NKX6-2: variants seen among roughly 807,000 people sequenced by gnomAD.
NKX6-2 encodes the protein homeobox protein Nkx-6.2.
A neutral mutation model predicts 19.9 loss-of-function variants in NKX6-2; 22 were observed. The observed-to-expected ratio is 1.10, with a 90% confidence interval of 0.79 to 1.58. The LOEUF is 1.58. Ranked by LOEUF, NKX6-2 falls within the 40% of genes most tolerant of loss-of-function variation. NKX6-2 has a pLI of 0.00. For missense variants in NKX6-2, 475 were observed against 410.6 expected, an observed-to-expected ratio of 1.16 and a Z score of -1.35; for synonymous variants, 257 against 204.0, an observed-to-expected ratio of 1.26 and a Z score of -2.21.
chr10:132,785,070 A>G lies in NKX6-2; in HGVS notation c.680T>C (p.Val227Ala), dbSNP rs758714609. ...GTCGTCCTCCGCGTCCGAGCCGCCCACCTTCAGCTTCTCGGCGTCCGAGTC... is the reference window on the plus strand; with the variant it reads ...GTCGTCCTCCGCGTCCGAGCCGCCCGCCTTCAGCTTCTCGGCGTCCGAGTC... ...KQDSDAEKLK[V>A]GGSDAEDDDE... The change falls in exon 3 of 3, where the codon GTG becomes GCG. Residue 227 changes from valine to alanine, a missense_variant. Val to Ala is a moderately conservative substitution (Grantham distance 64). Transcript: ENST00000368592. The surrounding 1 kb of genome is among the most constrained non-coding windows in gnomAD (Gnocchi z 5.5). 3.2e-5 allele frequency: 51 copies of G among 1,609,118 alleles called. No individual in the cohort carries two copies. Among genetic ancestry groups the G allele is most frequent in the Non-Finnish European group, 4.3e-5 (51 of 1,177,010 alleles).
rs1404357117 is a variant in NKX6-2 at position 132,784,190 on chromosome 10, G to C, written c.*726C>G. 4 of 152,216 alleles carry C rather than the reference G, an allele frequency of 2.6e-5. No homozygotes were observed. Among genetic ancestry groups the C allele is most frequent in the Non-Finnish European group, 4.4e-5 (3 of 68,038 alleles). The allele number at this position is 152,216 out of a possible 1,614,324, so 9.4% of individuals were successfully genotyped here. A position where few individuals can be genotyped will look rare whatever the true frequency, so the allele number is the denominator to read the frequency against. ...CCCACGGGAGGCCCCGCCGCTCCGC[G>C]GGCGGAATTATTTCGGATTTCTCTT... On this transcript the variant is annotated 3_prime_UTR_variant, in exon 3 of 3. Coordinates refer to ENST00000368592, the MANE Select transcript of NKX6-2 (RefSeq NM_177400.3).
At position 132,785,480 on chromosome 10, in the gene NKX6-2, C is replaced by A; in HGVS notation, c.407-28G>T. On this transcript the variant is annotated intron_variant, in intron 1 of 2. Transcript: ENST00000368592. This position sits in a 1 kb window ranked among gnomAD's most constrained non-coding sequence, Gnocchi z 5.5. ...GCAAGGGAGGGGAAGGGAGGGAGGTCAGCGGCCGGCGGGGTCCCCCTCCGC... is the reference window on the plus strand; with the variant it reads ...GCAAGGGAGGGGAAGGGAGGGAGGTAAGCGGCCGGCGGGGTCCCCCTCCGC... 1 of 1,490,356 alleles carries A rather than the reference C, an allele frequency of 6.7e-7. No homozygotes were observed. The highest frequency in any genetic ancestry group is 8.9e-7 in the Non-Finnish European group (1 of 1,118,280). The allele number at this position is 1,490,356 out of a possible 1,614,324, so 92.3% of individuals were successfully genotyped here. A position where few individuals can be genotyped will look rare whatever the true frequency, so the allele number is the denominator to read the frequency against.
chr10:132,785,625 G>A lies in NKX6-2; in HGVS notation c.324C>T (p.Ala108=). 8.0e-7 allele frequency: 1 copy of A among 1,246,374 alleles called. No homozygotes were observed. Among genetic ancestry groups the A allele is most frequent in the South Asian group, 3.3e-5 (1 of 30,700 alleles). The allele number at this position is 1,246,374 out of a possible 1,614,324, so 77.2% of individuals were successfully genotyped here. ...AGATGGGCGGGCGCCCCGGCAGCTC[G>A]GCCAGGGGCTTGGGGTAGCCGCGCG... ...AVARGYPKPL[A]ELPGRPPIFW... The change falls in exon 1 of 3, where the codon GCC becomes GCT. Residue 108 remains alanine, a synonymous_variant. Coordinates refer to ENST00000368592, the MANE Select transcript of NKX6-2 (RefSeq NM_177400.3). The surrounding 1 kb of genome is among the most constrained non-coding windows in gnomAD (Gnocchi z 5.5).
In NKX6-2 at chr10:132,785,331, C is replaced by T. The variant is rs1190805420; in HGVS notation, c.528G>A (p.Pro176=). 5.6e-6 allele frequency: 9 copies of T among 1,606,642 alleles called. No homozygotes were observed. Among genetic ancestry groups the T allele is most frequent in the African/African-American group, 1.4e-5 (1 of 73,604 alleles). ...GCGAGTAGGCGAGACGCGCGCGCTCCGGGCCCGCCAGGTACTTGGTCTGCT... is the reference window on the plus strand; with the variant it reads ...GCGAGTAGGCGAGACGCGCGCGCTCTGGGCCCGCCAGGTACTTGGTCTGCT... The part of the protein sequence containing the change: ...TFEQTKYLAG[P]ERARLAYSLG... The change falls in exon 2 of 3, where the codon CCG becomes CCA. Residue 176 remains proline (P), a synonymous_variant. Coordinates refer to ENST00000368592, the MANE Select transcript of NKX6-2 (RefSeq NM_177400.3). This position sits in a 1 kb window ranked among gnomAD's most constrained non-coding sequence, Gnocchi z 5.5.
chr10:132,783,389 G>C lies in NKX6-2; in HGVS notation c.*1527C>G, dbSNP rs903271376. The C allele has an allele frequency of 6.6e-6, 1 of 152,424 alleles. No homozygotes were observed. Among genetic ancestry groups the C allele is most frequent in the Non-Finnish European group, 1.5e-5 (1 of 68,046 alleles). 9.4% of individuals were successfully genotyped at this position (152,424 alleles called of 1,614,324 possible). ...CTGTCCGCGGTTCAACACGGAGTCC[G>C]CCCCGCGGGTTTCAGCTGTTGGTCG... On this transcript the variant is annotated 3_prime_UTR_variant, in exon 3 of 3. Coordinates refer to ENST00000368592, the MANE Select transcript of NKX6-2 (RefSeq NM_177400.3).
chr10:132,785,592 G>C lies in NKX6-2; in HGVS notation c.357C>G (p.Pro119=). The change falls in exon 1 of 3, where the codon CCC becomes CCG. Residue 119 remains proline, a synonymous_variant. Transcript: ENST00000368592. The surrounding 1 kb of genome is among the most constrained non-coding windows in gnomAD (Gnocchi z 5.5). ...TCCAGGGCGCGCCCTGCACCACGCC[G>C]GGCCAGAAGATGGGCGGGCGCCCCG... ...ELPGRPPIFW[P]GVVQGAPWRD... is the part of the protein sequence containing the mutation. 1.6e-6 allele frequency: 2 copies of C among 1,257,606 alleles called. No homozygotes were observed. Among genetic ancestry groups the C allele is most frequent in the Non-Finnish European group, 2.0e-6 (2 of 1,005,614 alleles). 77.9% of individuals were successfully genotyped at this position (1,257,606 alleles called of 1,614,324 possible). A position where few individuals can be genotyped will look rare whatever the true frequency, so the allele number is the denominator to read the frequency against.
rs1221427661 is a variant in NKX6-2, at chr10:132,784,465, C to G, written c.*451G>C. The G allele has an allele frequency of 6.3e-6, 1 of 158,502 alleles. No individual in the cohort carries two copies. The highest frequency in any genetic ancestry group is 1.9e-4 in the East Asian group (1 of 5,390). The allele number at this position is 158,502 out of a possible 1,614,324, so 9.8% of individuals were successfully genotyped here. The stretch of plus-strand genomic sequence containing the variant: ...GGGAAAACGGAAGAAGAAAAACCTC[C>G]CGCGGGGACTCGAGGCGGGTACGCG... On this transcript the variant is annotated 3_prime_UTR_variant, in exon 3 of 3. Coordinates refer to ENST00000368592, the MANE Select transcript of NKX6-2 (RefSeq NM_177400.3).
rs539112759 is a variant in NKX6-2, at chr10:132,783,381, C to G, written c.*1535G>C. ...GGTTGCCGCTGTCCGCGGTTCAACA[C>G]GGAGTCCGCCCCGCGGGTTTCAGCT... On this transcript the variant is annotated 3_prime_UTR_variant, in exon 3 of 3. Transcript: ENST00000368592. The G allele has an allele frequency of 1.7e-4, 26 of 152,488 alleles. No homozygotes were observed. Among genetic ancestry groups the G allele is most frequent in the African/African-American group, 5.5e-4 (23 of 41,572 alleles). 9.4% of individuals were successfully genotyped at this position (152,488 alleles called of 1,614,324 possible). A position where few individuals can be genotyped will look rare whatever the true frequency, so the allele number is the denominator to read the frequency against.
chr10:132,785,964 C>T lies in NKX6-2; in HGVS notation c.-16G>A, dbSNP rs774869718. 3.9e-5 allele frequency: 37 copies of T among 941,840 alleles called. No individual in the cohort carries two copies. The highest frequency in any genetic ancestry group is 5.1e-5 in the Non-Finnish European group (37 of 729,742). 58.3% of individuals were successfully genotyped at this position (941,840 alleles called of 1,614,324 possible). The stretch of plus-strand genomic sequence containing the variant: ...TAGTGTCCATGGGCGCCGCCGCCGC[C>T]GGCCCGGGCTCCCATCCGGGCCCCG... On this transcript the variant is annotated 5_prime_UTR_variant, in exon 1 of 3. Transcript: ENST00000368592. The surrounding 1 kb of genome is among the most constrained non-coding windows in gnomAD (Gnocchi z 5.5).
Position 132,784,882 on chromosome 10 carries a change from T to G in NKX6-2, c.*34A>C. On this transcript the variant is annotated 3_prime_UTR_variant, in exon 3 of 3. Transcript: ENST00000368592. ...CCCACCCGGGGCCGCCCCCGGATTCTGCAAAAATAGATTCGCCCCCACCCC... is the reference window on the plus strand; with the variant it reads ...CCCACCCGGGGCCGCCCCCGGATTCGGCAAAAATAGATTCGCCCCCACCCC... 2 of 1,586,518 alleles carry G rather than the reference T, an allele frequency of 1.3e-6. No individual in the cohort carries two copies. Among genetic ancestry groups the G allele is most frequent in the South Asian group, 1.1e-5 (1 of 90,158 alleles).
At position 132,783,552 on chromosome 10, in the gene NKX6-2, C is replaced by G. The variant is rs572045367; in HGVS notation, c.*1364G>C. The G allele has an allele frequency of 6.6e-6, 1 of 152,476 alleles. No individual in the cohort carries two copies. Among genetic ancestry groups the G allele is most frequent in the East Asian group, 1.9e-4 (1 of 5,184 alleles). 9.4% of individuals were successfully genotyped at this position (152,476 alleles called of 1,614,324 possible). ...AATGCTAACTCAGGGGAGCGGCCTC[C>G]TGTATAGCCTGTTATTTGAGATCAA... On this transcript the variant is annotated 3_prime_UTR_variant, in exon 3 of 3. Coordinates refer to ENST00000368592, the MANE Select transcript of NKX6-2 (RefSeq NM_177400.3).
Position 132,784,173 on chromosome 10 carries a change from AG to A in NKX6-2, c.*742del, listed in dbSNP as rs1308866844. The A allele has an allele frequency of 6.6e-6, 1 of 152,138 alleles. No individual in the cohort carries two copies. The highest frequency in any genetic ancestry group is 2.4e-5 in the African/African-American group (1 of 41,434). 9.4% of individuals were successfully genotyped at this position (152,138 alleles called of 1,614,324 possible). On this transcript the variant is annotated 3_prime_UTR_variant, in exon 3 of 3. Transcript: ENST00000368592. Reference sequence around the variant, plus strand: ...TCCCTGACCCCGCGTGACCCACGGGAGGCCCCGCCGCTCCGCGGGCGGAATT... The same window carrying A: ...TCCCTGACCCCGCGTGACCCACGGGAGCCCCGCCGCTCCGCGGGCGGAATT...
In NKX6-2 at chr10:132,785,859, G is replaced by T. The variant is rs755735425; in HGVS notation, c.90C>A (p.Phe30Leu). Reference sequence around the variant, plus strand: ...CGGCCGGACCCTGCAGCGCGTAGGGGAACAGCGACGTCTTCATCTCGGCCA... The same window carrying T: ...CGGCCGGACCCTGCAGCGCGTAGGGTAACAGCGACGTCTTCATCTCGGCCA... Reference protein sequence around the residue: ...HNMAEMKTSLFPYALQGPAGF... With the variant: ...HNMAEMKTSLLPYALQGPAGF... Residue 30 changes from phenylalanine (F) to leucine (L), a missense_variant, in exon 1 of 3, where the codon TTC (phenylalanine) becomes TTA (leucine). By Grantham distance (22) the Phe-to-Leu change is conservative. Coordinates refer to ENST00000368592, the MANE Select transcript of NKX6-2 (RefSeq NM_177400.3). This position sits in a 1 kb window ranked among gnomAD's most constrained non-coding sequence, Gnocchi z 5.5. 1 of 1,382,010 alleles carries T rather than the reference G, an allele frequency of 7.2e-7. No individual in the cohort carries two copies. The highest frequency in any genetic ancestry group is 1.5e-5 in the South Asian group (1 of 67,900). The allele number at this position is 1,382,010 out of a possible 1,614,324, so 85.6% of individuals were successfully genotyped here.
Position 132,785,099 on chromosome 10 carries a change from C to T in NKX6-2, c.651G>A (p.Lys217=), listed in dbSNP as rs1000820788. 1 of 1,611,614 alleles carries T rather than the reference C, an allele frequency of 6.2e-7. No individual in the cohort carries two copies. The highest frequency in any genetic ancestry group is 8.5e-7 in the Non-Finnish European group (1 of 1,178,908). The change falls in exon 3 of 3, where the codon AAG becomes AAA. Residue 217 remains lysine, a synonymous_variant. Coordinates refer to ENST00000368592, the MANE Select transcript of NKX6-2 (RefSeq NM_177400.3). The surrounding 1 kb of genome is among the most constrained non-coding windows in gnomAD (Gnocchi z 5.5). ...TCAGCTTCTCGGCGTCCGAGTCCTG[C>T]TTCTTCTTGGCCGACGCCATCTCCA... ...HAVEMASAKK[K]QDSDAEKLKV...
At position 132,784,967 on chromosome 10, in the gene NKX6-2, C is replaced by G. The variant is rs749333667; in HGVS notation, c.783G>C (p.Ser261=). ...ITRLLKKHKP[S]NLALVSPCGG... ...CGCACGGGCTGACCAGCGCCAAGTTCGAGGGTTTGTGCTTCTTGAGCAGCC... is the reference window on the plus strand; with the variant it reads ...CGCACGGGCTGACCAGCGCCAAGTTGGAGGGTTTGTGCTTCTTGAGCAGCC... Residue 261 remains serine (S), a synonymous_variant, in exon 3 of 3, where the codon TCG becomes TCC. Transcript: ENST00000368592. 3.1e-6 allele frequency: 5 copies of G among 1,612,688 alleles called. No homozygotes were observed. The highest frequency in any genetic ancestry group is 2.2e-5 in the East Asian group (1 of 44,836).
In NKX6-2 at chr10:132,785,530, G is replaced by A; in HGVS notation, c.406+13C>T. ...CGCCCACCCGCCCCGCACCCCCCGC[G>A]CGGGCCACTCACCCGGGCCAGCCAG... On this transcript the variant is annotated intron_variant, in intron 1 of 2. Transcript: ENST00000368592. This position sits in a 1 kb window ranked among gnomAD's most constrained non-coding sequence, Gnocchi z 5.5. The A allele has an allele frequency of 2.9e-6, 4 of 1,380,600 alleles. No homozygotes were observed. The highest frequency in any genetic ancestry group is 3.7e-6 in the Non-Finnish European group (4 of 1,071,390). The allele number at this position is 1,380,600 out of a possible 1,614,324, so 85.5% of individuals were successfully genotyped here. A position where few individuals can be genotyped will look rare whatever the true frequency, so the allele number is the denominator to read the frequency against.
At position 132,785,350 on chromosome 10, in the gene NKX6-2, G is replaced by C; in HGVS notation, c.509C>G (p.Thr170Ser). The C allele has an allele frequency of 6.2e-7, 1 of 1,606,928 alleles. No homozygotes were observed. Among genetic ancestry groups the C allele is most frequent in the Non-Finnish European group, 8.5e-7 (1 of 1,177,862 alleles). The change falls in exon 2 of 3, where the codon ACC becomes AGC. Residue 170 changes from threonine to serine, a missense_variant. Thr to Ser is a moderately conservative substitution (Grantham distance 58). Transcript: ENST00000368592. This position sits in a 1 kb window ranked among gnomAD's most constrained non-coding sequence, Gnocchi z 5.5. ...IFALEKTFEQ[T>S]KYLAGPERAR... Reference sequence around the variant, plus strand: ...GCGCTCCGGGCCCGCCAGGTACTTGGTCTGCTCGAAGGTTTTCTCCAGCGC... The same window carrying C: ...GCGCTCCGGGCCCGCCAGGTACTTGCTCTGCTCGAAGGTTTTCTCCAGCGC...
chr10:132,784,658 C>T lies in NKX6-2; in HGVS notation c.*258G>A, dbSNP rs1847226616. 4.3e-6 allele frequency: 2 copies of T among 463,742 alleles called. No individual in the cohort carries two copies. Among genetic ancestry groups the T allele is most frequent in the South Asian group, 6.6e-5 (2 of 30,284 alleles). The allele number at this position is 463,742 out of a possible 1,614,324, so 28.7% of individuals were successfully genotyped here. On this transcript the variant is annotated 3_prime_UTR_variant, in exon 3 of 3. Coordinates refer to ENST00000368592, the MANE Select transcript of NKX6-2 (RefSeq NM_177400.3). ...CCCCTTCCCTGCGCCTTCGCCGCCTCCTCGCGCCTGCCCGGGGCCCGCAGC... is the reference window on the plus strand; with the variant it reads ...CCCCTTCCCTGCGCCTTCGCCGCCTTCTCGCGCCTGCCCGGGGCCCGCAGC...
At position 132,784,881 on chromosome 10, in the gene NKX6-2, C is replaced by A; in HGVS notation, c.*35G>T. The A allele has an allele frequency of 6.3e-7, 1 of 1,584,512 alleles. No individual in the cohort carries two copies. Among genetic ancestry groups the A allele is most frequent in the Non-Finnish European group, 8.6e-7 (1 of 1,158,576 alleles). ...GCCCACCCGGGGCCGCCCCCGGATT[C>A]TGCAAAAATAGATTCGCCCCCACCC... is the stretch of plus-strand genomic sequence containing the variant. On this transcript the variant is annotated 3_prime_UTR_variant, in exon 3 of 3. Coordinates refer to ENST00000368592, the MANE Select transcript of NKX6-2 (RefSeq NM_177400.3).
Sources: gnomAD v4.1 joint callset for allele counts on GRCh38, gnomAD v4.1.1 for gene constraint, Gnocchi (gnomAD v3.1) non-coding constraint, MANE v1.5 for transcripts, NCBI Gene and HGNC (gene_info 2026-07-23, HGNC 2026-07-21) for gene names.